The following CCDC50 variants were observed in gnomAD, a reference collection of about 807,000 sequenced individuals.
The protein encoded by CCDC50 is coiled-coil domain-containing protein 50.
CCDC50 carries 54 observed loss-of-function variants against 70.2 expected under a neutral mutation model. That is an observed-to-expected ratio of 0.77 (90% CI 0.62 to 0.96). CCDC50 has a LOEUF of 0.96. CCDC50 is among the 50% of genes least tolerant of loss of function. The pLI is 0.00. For synonymous variants in CCDC50, 216 were observed against 198.8 expected (o/e 1.09, Z -0.73); for missense variants, 558 against 578.7 (o/e 0.96, Z 0.37).
chr3:191,343,590 C>G (rs766364737), intron 1 of CCDC50, among the ~76,000 whole-genome samples: 15 of 152,166 alleles, frequency 9.9e-5, no homozygotes, highest in Non-Finnish European at 2.2e-4. Flanking sequence ...TAATTAGTTG[C>G]TAAGTTCATA....
chr3:191,385,840 A>G (rs1656143), intron 10 of CCDC50, among the ~76,000 whole-genome samples: 64,194 of 151,948 alleles, frequency 0.42, 15,239 homozygotes, highest in Non-Finnish European at 0.53. Flanking sequence ...TCTTCTGCAT[A>G]TGGTCAGCCA....
At chr3:191,354,957 A>G (rs1285749599) in intron 1 of CCDC50, among the ~76,000 whole-genome samples, 1 of 152,202 alleles carries the variant, frequency 6.6e-6, no homozygotes, top group Non-Finnish European at 1.5e-5. Flanking sequence ...GTCTGTATGT[A>G]TTCAGTACAG....
intron 10 of CCDC50, among the ~76,000 whole-genome samples, chr3:191,384,894 A>G (rs1229554334): frequency 2.0e-5 from 3 of 152,110 alleles, no homozygotes; most frequent in African/African-American, 7.2e-5. Flanking sequence ...TTTAGTTCCC[A>G]CTTATAAGTG....
intron 1 of CCDC50, among the ~76,000 whole-genome samples, chr3:191,334,318 T>C (rs1718076007): frequency 6.6e-6 from 1 of 152,220 alleles, no homozygotes; most frequent in South Asian, 2.1e-4. Flanking sequence ...TATTGCCATA[T>C]GTAGACTTGC....
intron 1 of CCDC50, among the ~76,000 whole-genome samples, chr3:191,332,511 T>G (rs1001673458): frequency 6.6e-6 from 1 of 152,236 alleles, no homozygotes; most frequent in South Asian, 2.1e-4. Flanking sequence ...AATACTCTAT[T>G]TCTTCTGAAA....
At position 191,390,746 on chromosome 3, in the gene CCDC50, T is replaced by C. The variant is rs148173038; in HGVS notation, c.1430-995T>C. ...AGGTTCTTTACCAAAGCCTGTTTTA[T>C]CAGCAAGGTCTTCATGACCTGTGTG... On this transcript the variant is annotated intron_variant, in intron 11 of 11. Coordinates refer to ENST00000392455, the MANE Select transcript of CCDC50 (RefSeq NM_178335.3). Among the ~76,000 whole-genome samples the C allele has an allele frequency of 4.4e-3, 669 of 152,334 alleles. 5 individuals carry two copies. The highest frequency in any genetic ancestry group is 0.031 in the Middle Eastern group (9 of 294).
intron 10 of CCDC50, among the ~76,000 whole-genome samples, chr3:191,389,089 C>CTTTTT (rs1467122245): frequency 2.6e-4 from 39 of 151,732 alleles, no homozygotes; most frequent in African/African-American, 9.4e-4. Flanking sequence ...TTCCTTTTTT[C>CTTTTT]TTTTTTTCCT....
rs370371444 is a variant in CCDC50, at chr3:191,393,244, C to G, written c.*1484C>G. 4.6e-5 allele frequency: 7 copies of G among 152,244 alleles called. No homozygotes were observed. The South Asian group carries it at 6.2e-4, about 14-fold the overall frequency. The allele number at this position is 152,244 out of a possible 1,614,324, so 9.4% of individuals were successfully genotyped here. A position where few individuals can be genotyped will look rare whatever the true frequency, so the allele number is the denominator to read the frequency against. Reference sequence around the variant, plus strand: ...TTGTTCTCCCTCTCTCTGTCTCCCCCCCATGTACACATATATATATCCCTT... The same window carrying G: ...TTGTTCTCCCTCTCTCTGTCTCCCCGCCATGTACACATATATATATCCCTT... On this transcript the variant is annotated 3_prime_UTR_variant, in exon 12 of 12. Transcript: ENST00000392455.
chr3:191,375,877 T>C (rs996436337), intron 6 of CCDC50, among the ~76,000 whole-genome samples: 1 of 152,150 alleles, frequency 6.6e-6, no homozygotes, highest in African/African-American at 2.4e-5. Context: ...TAGTTCTTCA[T>C]TTACCGAGAC....
chr3:191,333,215 T>C (rs1386701877), intron 1 of CCDC50, among the ~76,000 whole-genome samples: 1 of 152,210 alleles, frequency 6.6e-6, no homozygotes, highest in African/African-American at 2.4e-5. Context: ...CAAATCCTTT[T>C]TCTTTAGTGA....
intron 5 of CCDC50, among the ~76,000 whole-genome samples, chr3:191,373,664 T>A (rs1436770297): frequency 1.3e-5 from 2 of 151,976 alleles, no homozygotes; most frequent in African/African-American, 4.8e-5. Flanking sequence ...AAAGAGCAGA[T>A]AATTTGTTTT....
intron 6 of CCDC50, among the ~76,000 whole-genome samples, chr3:191,377,612 C>G (rs1332018518): frequency 6.6e-6 from 1 of 152,128 alleles, no homozygotes; most frequent in Admixed American, 6.6e-5. Context: ...TATACTGTGG[C>G]ATTCCCTAAA....
chr3:191,369,743 G>A (rs1712830513), intron 4 of CCDC50, among the ~76,000 whole-genome samples, 176 bp from the exon 5 acceptor site: 1 of 152,162 alleles, frequency 6.6e-6, no homozygotes, highest in Non-Finnish European at 1.5e-5. Flanking sequence ...TCTAGATCAT[G>A]TGCTACTCCT....
At position 191,345,657 on chromosome 3, in the gene CCDC50, C is replaced by T. The variant is rs914883644; in HGVS notation, c.50-11431C>T. Among the ~76,000 whole-genome samples, 10 of 152,192 alleles carry T rather than the reference C, an allele frequency of 6.6e-5. No individual in the cohort carries two copies. The South Asian group carries it at 1.0e-3, about 16-fold the overall frequency. ...GCTTGCCTGCAATCTGGTGTATCTG[C>T]GGTTAGCCATAACATATCTACTTGC... On this transcript the variant is annotated intron_variant, in intron 1 of 11. Transcript: ENST00000392455.
intron 2 of CCDC50, 48 bp downstream of exon 2, chr3:191,357,198 G>T (rs778012396): frequency 6.7e-7 from 1 of 1,486,666 alleles, no homozygotes; most frequent in South Asian, 1.1e-5. Flanking sequence ...TTTTTTTAGT[G>T]GTAGCTTGAG....
intron 4 of CCDC50, among the ~76,000 whole-genome samples, chr3:191,362,105 C>G (rs553969862): frequency 6.6e-6 from 1 of 151,950 alleles, no homozygotes; most frequent in South Asian, 2.1e-4. Context: ...CTATTATTTC[C>G]TTTTGTGTTA....
intron 1 of CCDC50, among the ~76,000 whole-genome samples, chr3:191,350,855 C>T (rs1712085316): frequency 7.1e-6 from 1 of 141,742 alleles, no homozygotes; most frequent in South Asian, 2.2e-4. Flanking sequence ...AGCAAAATGT[C>T]CCCCACTAAG....
chr3:191,357,849 T>C lies in CCDC50; in HGVS notation c.113-149T>C, dbSNP rs1712343268. On this transcript the variant is annotated intron_variant, in intron 2 of 11. Transcript: ENST00000392455. ...TGGAAAAGTGGGGATAATAATTCCT[T>C]GCTCTTTATTATATATTGTTGTTGA... 3.1e-6 allele frequency: 3 copies of C among 980,374 alleles called. No homozygotes were observed. In the Middle Eastern group the frequency reaches 6.4e-4, roughly 210 times the overall value. 60.7% of individuals were successfully genotyped at this position (980,374 alleles called of 1,614,324 possible). A position where few individuals can be genotyped will look rare whatever the true frequency, so the allele number is the denominator to read the frequency against.
At chr3:191,370,391 T>G in intron 5 of CCDC50, 3 of 268,622 alleles carry the variant, frequency 1.1e-5, no homozygotes, top group Non-Finnish European at 2.1e-5. Context: ...CAGGCCCCGG[T>G]GTGTGATGTT....
Sources: gnomAD v4.1 joint callset for allele counts (sites outside exome capture counted in the v4.1 genomes callset) on GRCh38, gnomAD v4.1.1 for gene constraint, MANE v1.5 for transcripts, NCBI Gene and HGNC (gene_info 2026-07-23, HGNC 2026-07-21) for gene names.